TCF4: variants seen among roughly 807,000 people sequenced by gnomAD.
The protein encoded by TCF4 is transcription factor 4.
TCF4 carries 3 observed loss-of-function variants against 82.1 expected under a neutral mutation model. The ratio of observed to expected loss-of-function variants is 0.04; its 90% confidence interval spans 0.02 to 0.09. The LOEUF is 0.09. Among genes scored for constraint, TCF4 ranks in the 10% least tolerant of loss-of-function variants. TCF4 has a pLI of 1.00. For missense variants in TCF4, 518 were observed against 852.7 expected, an observed-to-expected ratio of 0.61 and a Z score of 4.89; for synonymous variants, 276 against 309.6, an observed-to-expected ratio of 0.89 and a Z score of 1.14.
intron 8 of TCF4, among the ~76,000 whole-genome samples, chr18:55,281,582 TA>T (rs983852301): frequency 6.6e-6 from 1 of 152,134 alleles, no homozygotes; most frequent in African/African-American, 2.4e-5. Context: ...TCTTATGTTT[TA>T]AAACAATTAA....
At chr18:55,352,183 G>C (rs1194794023) in intron 6 of TCF4, among the ~76,000 whole-genome samples, 1 of 152,134 alleles carries the variant, frequency 6.6e-6, no homozygotes. Context: ...TCACAAGGCA[G>C]TCACCAACTA....
At chr18:55,553,887 G>T (rs573513634) in intron 3 of TCF4, among the ~76,000 whole-genome samples, 1 of 152,012 alleles carries the variant, frequency 6.6e-6, no homozygotes, top group Non-Finnish European at 1.5e-5. Flanking sequence ...AAGAGAAAGA[G>T]AAAGGTATGT....
In TCF4 at chr18:55,594,782, C is replaced by G. The variant is rs141339188; in HGVS notation, c.287-7646G>C. On this transcript the variant is annotated intron_variant, in intron 2 of 20. Coordinates refer to the TCF4 transcript ENST00000398339. The stretch of plus-strand genomic sequence containing the variant: ...CTGCTTCACTATTATAACATTTTAA[C>G]ATTTTACAGAGGAGGAGACTGACGC... Among the ~76,000 whole-genome samples, 727 of 152,298 alleles carry G rather than the reference C, an allele frequency of 4.8e-3. 9 individuals carry two copies. The highest frequency in any genetic ancestry group is 5.6e-3 in the Non-Finnish European group (379 of 68,020).
chr18:55,311,462 C>T (rs755037854), intron 8 of TCF4, among the ~76,000 whole-genome samples: 21 of 152,150 alleles, frequency 1.4e-4, no homozygotes, highest in Non-Finnish European at 2.8e-4. Flanking sequence ...CAGATATTGC[C>T]GTATGTCCCC....
chr18:55,303,828 A>G (rs1166306381), intron 8 of TCF4, among the ~76,000 whole-genome samples: 1 of 152,230 alleles, frequency 6.6e-6, no homozygotes, highest in Non-Finnish European at 1.5e-5. Context: ...ATCCTTGAAA[A>G]CACCATCACT....
In TCF4 at chr18:55,597,896, C is replaced by G. The variant is rs912150889; in HGVS notation, c.287-10760G>C. Among the ~76,000 whole-genome samples, 7 of 152,228 alleles carry G rather than the reference C, an allele frequency of 4.6e-5. No individual in the cohort carries two copies. In the East Asian group the frequency reaches 1.2e-3, roughly 25 times the overall value. On this transcript the variant is annotated intron_variant, in intron 2 of 20. Coordinates refer to the TCF4 transcript ENST00000398339. ...TCCTAAAGGAAGTCTTTGCTCTAGT[C>G]AGTTAAGCATAGGACACATGACATT...
Position 55,491,280 on chromosome 18 carries a change from G to A in TCF4, c.146-27143C>T, listed in dbSNP as rs1282116953. ...CCCCAGACCATCATGGGGGCGGGAC[G>A]GCGGTGGTTCCATTCACAATGAATG... On this transcript the variant is annotated intron_variant, in intron 3 of 19. Coordinates refer to ENST00000354452, the MANE Select transcript of TCF4 (RefSeq NM_001083962.2). 2.0e-5 allele frequency among the ~76,000 whole-genome samples: 3 copies of A among 152,200 alleles called. 1 individual carries two copies. Among genetic ancestry groups the A allele is most frequent in the South Asian group, 4.2e-4 (2 of 4,818 alleles).
chr18:55,311,726 T>C (rs1407686970), intron 8 of TCF4, among the ~76,000 whole-genome samples: 1 of 152,224 alleles, frequency 6.6e-6, no homozygotes, highest in African/African-American at 2.4e-5. Flanking sequence ...TCTGGAACTT[T>C]TAGAACCAAC....
chr18:55,494,157 GAC>G lies in TCF4; in HGVS notation c.146-30022_146-30021del, dbSNP rs3138626. Among the ~76,000 whole-genome samples the G allele has an allele frequency of 5.5e-4, 81 of 147,614 alleles. 1 individual carries two copies. In the South Asian group the frequency reaches 8.4e-3, roughly 15 times the overall value. On this transcript the variant is annotated intron_variant, in intron 3 of 19. Coordinates refer to ENST00000354452, the MANE Select transcript of TCF4 (RefSeq NM_001083962.2). ...ACAGCAATGTGATTGAAATATTATG[GAC>G]ACACACACACACACACACACACAGA...
intron 6 of TCF4, among the ~76,000 whole-genome samples, chr18:55,391,891 T>C (rs1368496599): frequency 6.8e-6 from 1 of 147,606 alleles, no homozygotes; most frequent in Non-Finnish European, 1.5e-5. Flanking sequence ...TGAGCAGAGA[T>C]TGTGCCACTG....
intron 15 of TCF4, among the ~76,000 whole-genome samples, chr18:55,249,112 T>TA (rs1478935361): frequency 6.6e-6 from 1 of 152,064 alleles, no homozygotes; most frequent in African/African-American, 2.4e-5. Flanking sequence ...TCCTAGGCCT[T>TA]AGTCTTCAAA....
rs1328690873 is a variant in TCF4, at chr18:55,223,649, C to T, written c.*4386G>A. On this transcript the variant is annotated 3_prime_UTR_variant, in exon 20 of 20. Transcript: ENST00000354452. ...AACATGAAAAAATCGAGGCACTCAG[C>T]CACACATTGAAAACAAGGTGTAACT... The T allele has an allele frequency of 6.6e-6, 1 of 151,772 alleles. No individual in the cohort carries two copies. Among genetic ancestry groups the T allele is most frequent in the African/African-American group, 2.4e-5 (1 of 41,238 alleles). The allele number at this position is 151,772 out of a possible 1,614,324, so 9.4% of individuals were successfully genotyped here. A position where few individuals can be genotyped will look rare whatever the true frequency, so the allele number is the denominator to read the frequency against.
chr18:55,308,899 A>C (rs1183146132), intron 8 of TCF4, among the ~76,000 whole-genome samples: 1 of 152,280 alleles, frequency 6.6e-6, no homozygotes, highest in East Asian at 1.9e-4. Context: ...GCAAGTTTTA[A>C]TCCCTCAATG....
intron 3 of TCF4, among the ~76,000 whole-genome samples, chr18:55,538,026 G>GCGCGCA (rs1277287061): frequency 0.015 from 1,940 of 131,524 alleles, 23 homozygotes; most frequent in Middle Eastern, 0.053. Context: ...CTGCGCGCGC[G>GCGCGCA]CACACACACA....
At chr18:55,332,325 A>C (rs2077735913) in intron 8 of TCF4, 1 of 152,128 alleles carries the variant, frequency 6.6e-6, no homozygotes, top group African/African-American at 2.4e-5. Context: ...TACAGAAAAA[A>C]AAAAACAGCT....
chr18:55,427,532 C>T (rs1219687309), intron 5 of TCF4, among the ~76,000 whole-genome samples: 1 of 152,164 alleles, frequency 6.6e-6, no homozygotes, highest in East Asian at 1.9e-4. Flanking sequence ...TCCCTGTTTC[C>T]AATGAACTGA....
At chr18:55,260,352 C>T (rs1289249498) in intron 12 of TCF4, among the ~76,000 whole-genome samples, 1 of 152,190 alleles carries the variant, frequency 6.6e-6, no homozygotes, top group African/African-American at 2.4e-5. Flanking sequence ...TCCTCATCTA[C>T]ACAATGAGAG....
chr18:55,529,283 T>C (rs989881569), intron 3 of TCF4, among the ~76,000 whole-genome samples: 2 of 152,202 alleles, frequency 1.3e-5, no homozygotes, highest in Admixed American at 6.5e-5. Context: ...TTGATACCAA[T>C]AAAATATTTA....
In TCF4 at chr18:55,462,094, G is replaced by C. The variant is rs1378081157; in HGVS notation, c.208-979C>G. ...GGGCAAAATCTGCCCACACAAAAGA[G>C]AGGGCTGCTGCATGAACAAGGAAAA... On this transcript the variant is annotated intron_variant, in intron 4 of 19. Coordinates refer to ENST00000354452, the MANE Select transcript of TCF4 (RefSeq NM_001083962.2). Among the ~76,000 whole-genome samples the C allele has an allele frequency of 2.0e-5, 3 of 152,172 alleles. No homozygotes were observed. The East Asian group carries it at 5.8e-4, about 29-fold the overall frequency.
Sources: gnomAD v4.1 joint callset for allele counts (sites outside exome capture counted in the v4.1 genomes callset) on GRCh38, gnomAD v4.1.1 for gene constraint, MANE v1.5 for transcripts, NCBI Gene and HGNC (gene_info 2026-07-23, HGNC 2026-07-21) for gene names.